ATL1: variants seen among roughly 807,000 people sequenced by gnomAD.
ATL1 encodes the protein atlastin GTPase 1, also known as atlastin-1.
A neutral mutation model predicts 75.5 loss-of-function variants in ATL1; 31 were observed. The ratio of observed to expected loss-of-function variants is 0.41; its 90% confidence interval spans 0.31 to 0.55. ATL1 has a LOEUF of 0.55. Among genes scored for constraint, ATL1 ranks in the 20% least tolerant of loss-of-function variants. The pLI is 0.27. For missense variants in ATL1, 405 were observed against 662.6 expected (o/e 0.61, Z 4.27); for synonymous variants, 226 against 233.3 (o/e 0.97, Z 0.28).
rs73289874 is a variant in ATL1 at position 50,546,027 on chromosome 14, C to T, written c.-140+12660C>T. Among the ~76,000 whole-genome samples the T allele has an allele frequency of 5.4e-3, 825 of 152,248 alleles. 7 individuals are homozygous for T. The highest frequency in any genetic ancestry group is 0.019 in the African/African-American group (787 of 41,538). ...ACTACTGGTGTTGAAATCAAACTCA[C>T]TGTTTATGGTACTGCTAATTCAAAG... On this transcript the variant is annotated intron_variant, in intron 1 of 13. Coordinates refer to the ATL1 transcript ENST00000441560.
intron 1 of ATL1, among the ~76,000 whole-genome samples, chr14:50,544,936 CAAAAAAAAAAAAAAA>C (rs35420627): frequency 5.1e-5 from 3 of 58,448 alleles, no homozygotes; most frequent in Non-Finnish European, 9.5e-5. Flanking sequence ...GACCCACTCT[CAAAAAAAAAAAAAAA>C]AAAAAAAAAA....
chr14:50,589,475 A>G (rs1257664747), intron 2 of ATL1, among the ~76,000 whole-genome samples: 2 of 152,124 alleles, frequency 1.3e-5, no homozygotes, highest in African/African-American at 4.8e-5. Flanking sequence ...CGTATTTCTA[A>G]GTGTAGTTCA....
chr14:50,598,605 T>G (rs2039243479), intron 6 of ATL1, among the ~76,000 whole-genome samples: 1 of 152,036 alleles, frequency 6.6e-6, no homozygotes, highest in African/African-American at 2.4e-5. Flanking sequence ...TCAGGTTATC[T>G]GCCCGCCTCG....
intron 13 of ATL1, among the ~76,000 whole-genome samples, chr14:50,630,749 A>T (rs1595627488): frequency 6.6e-6 from 1 of 152,352 alleles, no homozygotes; most frequent in South Asian, 2.1e-4. Flanking sequence ...ACTATTTACA[A>T]GTCAATAAGA....
At chr14:50,565,098 G>T (rs2038890484) in intron 1 of ATL1, among the ~76,000 whole-genome samples, 1 of 151,802 alleles carries the variant, frequency 6.6e-6, no homozygotes, top group Non-Finnish European at 1.5e-5. Flanking sequence ...ACCAGCCTGG[G>T]TAACACGGTG....
intron 1 of ATL1, among the ~76,000 whole-genome samples, chr14:50,544,177 A>T (rs1376810198): frequency 6.6e-6 from 1 of 152,254 alleles, no homozygotes; most frequent in Non-Finnish European, 1.5e-5. Context: ...AGATGAGAGC[A>T]CTAAGGACTT....
At chr14:50,571,093 T>C (rs1438305639) in intron 1 of ATL1, among the ~76,000 whole-genome samples, 1 of 152,156 alleles carries the variant, frequency 6.6e-6, no homozygotes. Flanking sequence ...GCCCTTTAAG[T>C]ACCCTGGAAG....
intron 11 of ATL1, 113 bp from the exon 12 acceptor site, chr14:50,627,918 G>T (rs1374986988): frequency 4.3e-5 from 42 of 971,768 alleles, no homozygotes; most frequent in Non-Finnish European, 5.6e-5. Context: ...ATATATGCAG[G>T]CTCCTGATTA....
chr14:50,561,093 G>A (rs909218805), intron 1 of ATL1: 3 of 152,488 alleles, frequency 2.0e-5, no homozygotes, highest in Admixed American at 6.5e-5. Context: ...GAGGGGAAAG[G>A]AGAGGCGAGA....
chr14:50,561,744 C>T (rs950078588), intron 1 of ATL1, among the ~76,000 whole-genome samples: 2 of 152,108 alleles, frequency 1.3e-5, no homozygotes, highest in Non-Finnish European at 2.9e-5. Context: ...TTTCTGAGAT[C>T]ATGAAACTTC....
At chr14:50,618,210 T>C (rs2039432548) in intron 8 of ATL1, among the ~76,000 whole-genome samples, 1 of 152,198 alleles carries the variant, frequency 6.6e-6, no homozygotes, top group Non-Finnish European at 1.5e-5. Flanking sequence ...AGGTGTATAG[T>C]AATATTCTAC....
chr14:50,565,693 ACT>A (rs1227770843), intron 1 of ATL1, among the ~76,000 whole-genome samples: 1 of 151,978 alleles, frequency 6.6e-6, no homozygotes, highest in Non-Finnish European at 1.5e-5. Flanking sequence ...TGCATTTCAG[ACT>A]CTGCAGACTT....
intron 2 of ATL1, among the ~76,000 whole-genome samples, chr14:50,589,762 G>A (rs115779658): frequency 0.037 from 5,695 of 152,126 alleles, 104 homozygotes; most frequent in Middle Eastern, 0.058. Flanking sequence ...TCTTGATAAC[G>A]GTCTAAAATG....
chr14:50,569,890 A>C (rs1446923405), intron 1 of ATL1, among the ~76,000 whole-genome samples: 1 of 152,084 alleles, frequency 6.6e-6, no homozygotes, highest in Non-Finnish European at 1.5e-5. Context: ...TTTGCTTCCA[A>C]AGTTTCTGAT....
intron 2 of ATL1, 86 bp downstream of exon 2, chr14:50,588,164 T>G: frequency 3.3e-6 from 5 of 1,527,416 alleles, no homozygotes; most frequent in Non-Finnish European, 4.5e-6. Flanking sequence ...AAAATTTTCA[T>G]TTCTATTATT....
intron 1 of ATL1, among the ~76,000 whole-genome samples, chr14:50,574,935 GTGTATATATA>G (rs1324180681): frequency 1.5e-3 from 51 of 34,590 alleles, no homozygotes; most frequent in African/African-American, 3.6e-3. Context: ...GTGTGTGTGT[GTGTATATATA>G]TATATATATA....
intron 1 of ATL1, among the ~76,000 whole-genome samples, chr14:50,540,243 A>G (rs1255592847): frequency 1.3e-5 from 2 of 152,250 alleles, no homozygotes; most frequent in African/African-American, 4.8e-5. Context: ...CTATCCTATT[A>G]TTAATCCCTG....
intron 1 of ATL1, among the ~76,000 whole-genome samples, chr14:50,578,031 T>G (rs1189668291): frequency 6.6e-6 from 1 of 152,184 alleles, no homozygotes; most frequent in Non-Finnish European, 1.5e-5. Flanking sequence ...TACAAACTAA[T>G]GGCTATATAT....
intron 8 of ATL1, among the ~76,000 whole-genome samples, chr14:50,617,731 G>A (rs1348146922): frequency 6.6e-6 from 1 of 152,148 alleles, no homozygotes; most frequent in Non-Finnish European, 1.5e-5. Context: ...ACATAATTCT[G>A]AATCAGCTAT....
Sources: allele counts gnomAD v4.1 joint callset (sites outside exome capture counted in the v4.1 genomes callset), GRCh38; gene constraint gnomAD v4.1.1; transcripts MANE v1.5; gene names NCBI Gene and HGNC (gene_info 2026-07-23, HGNC 2026-07-21).